The following CDH22 variants were observed in gnomAD, a reference collection of about 807,000 sequenced individuals.
CDH22 encodes the protein cadherin-22.
CDH22 carries 30 observed loss-of-function variants against 58.4 expected under a neutral mutation model. That is an observed-to-expected ratio of 0.51 (90% confidence interval 0.38 to 0.70). The LOEUF is 0.70. Ranked by LOEUF, CDH22 falls within the 30% of genes least tolerant of loss-of-function variation. The probability of loss-of-function intolerance (pLI) is 0.00; values close to 1 mark genes in which losing one functional copy is unlikely to be tolerated. For synonymous variants in CDH22, 513 were observed against 558.2 expected (o/e 0.92, Z 1.14); for missense variants, 1,014 against 1,233.9 (o/e 0.82, Z 2.67).
At chr20:46,197,528 G>A (rs1002398742) in intron 8 of CDH22, among the ~76,000 whole-genome samples, 6 of 152,016 alleles carry the variant, frequency 3.9e-5, no homozygotes, top group East Asian at 1.9e-4. Flanking sequence ...GCGGAGGGGC[G>A]TGTATCTGTG....
intron 1 of CDH22, among the ~76,000 whole-genome samples, chr20:46,286,337 G>C (rs982937090): frequency 5.3e-5 from 8 of 152,086 alleles, no homozygotes; most frequent in African/African-American, 1.9e-4. Context: ...ATCTGACCAC[G>C]CCTGGCCCTC....
chr20:46,262,766 C>A (rs1342410370), intron 1 of CDH22, among the ~76,000 whole-genome samples: 1 of 152,190 alleles, frequency 6.6e-6, no homozygotes, highest in Admixed American at 6.5e-5. Context: ...TTAGCCACTA[C>A]CCACGTGGCC....
At chr20:46,257,302 GA>G (rs35280949) in intron 1 of CDH22, among the ~76,000 whole-genome samples, 1,467 of 136,020 alleles carry the variant, frequency 0.011, 11 homozygotes, top group African/African-American at 0.018. Context: ...CTTGTCTCAA[GA>G]AAAAAAAAAA....
intron 1 of CDH22, among the ~76,000 whole-genome samples, chr20:46,252,806 T>C (rs888585759): frequency 6.6e-6 from 1 of 152,212 alleles, no homozygotes. Flanking sequence ...AGGTGGCATA[T>C]GATCGGGGCT....
At chr20:46,289,299 A>T (rs2145775103) in intron 1 of CDH22, among the ~76,000 whole-genome samples, 1 of 152,242 alleles carries the variant, frequency 6.6e-6, no homozygotes, top group East Asian at 1.9e-4. Flanking sequence ...CAGGCCATTC[A>T]TATCCCCTCA....
chr20:46,220,167 A>G (rs1251969352), intron 4 of CDH22, among the ~76,000 whole-genome samples: 1 of 151,240 alleles, frequency 6.6e-6, no homozygotes, highest in Non-Finnish European at 1.5e-5. Context: ...GGAGACTGAA[A>G]GGGACAGAAA....
At chr20:46,280,830 C>T (rs2425851) in intron 1 of CDH22, among the ~76,000 whole-genome samples, 146,675 of 152,360 alleles carry the variant, frequency 0.96, 70,633 homozygotes, top group East Asian at 1. Context: ...TGCTCTCTTT[C>T]CCTCTTCCAA....
chr20:46,278,594 A>AT (rs35092580), intron 1 of CDH22, among the ~76,000 whole-genome samples: 28 of 151,652 alleles, frequency 1.8e-4, no homozygotes, highest in African/African-American at 5.3e-4. Context: ...ATTATTATCT[A>AT]TTTTTTTTGA....
chr20:46,179,723 G>A (rs1221075332), intron 10 of CDH22, among the ~76,000 whole-genome samples: 1 of 152,242 alleles, frequency 6.6e-6, no homozygotes, highest in Non-Finnish European at 1.5e-5. Flanking sequence ...AACTCAGAAA[G>A]GGTATCATGC....
rs2086090042 is a variant in CDH22, at chr20:46,216,947, C to T, written c.717G>A (p.Glu239=). 2.5e-6 allele frequency: 4 copies of T among 1,606,094 alleles called. No individual in the cohort carries two copies. The highest frequency in any genetic ancestry group is 3.4e-6 in the Non-Finnish European group (4 of 1,173,830). ...AVPDLDRESQ[E]RYEVVIQATD... is the part of the protein sequence containing the mutation. ...TGGCCTGGATCACCACCTCGTAGCG[C>T]TCCTGGCTCTCGCGGTCAAGGTCAG... Residue 239 remains glutamate, a synonymous_variant, in exon 5 of 12, where the codon GAG becomes GAA. Transcript: ENST00000537909. The surrounding 1 kb of genome is among the most constrained non-coding windows in gnomAD (Gnocchi z 5.3).
Position 46,251,377 on chromosome 20 carries a change from G to A in CDH22, c.-83C>T, listed in dbSNP as rs2086373716. On this transcript the variant is annotated 5_prime_UTR_variant, in exon 2 of 12. Coordinates refer to ENST00000537909, the MANE Select transcript of CDH22 (RefSeq NM_021248.3). This position sits in a 1 kb window ranked among gnomAD's most constrained non-coding sequence, Gnocchi z 6.7. Reference sequence around the variant, plus strand: ...CTGCTTGGTCGCACAACGATGCGGCGCCGTGTCACATGGTGGCCTCAGCGC... The same window carrying A: ...CTGCTTGGTCGCACAACGATGCGGCACCGTGTCACATGGTGGCCTCAGCGC... 2.9e-6 allele frequency: 4 copies of A among 1,366,256 alleles called. No homozygotes were observed. The highest frequency in any genetic ancestry group is 3.8e-6 in the Non-Finnish European group (4 of 1,061,250). The allele number at this position is 1,366,256 out of a possible 1,614,324, so 84.6% of individuals were successfully genotyped here.
chr20:46,249,996 C>T (rs573329361), intron 2 of CDH22, among the ~76,000 whole-genome samples: 125 of 152,322 alleles, frequency 8.2e-4, no homozygotes, highest in African/African-American at 2.8e-3. Flanking sequence ...GCTTTTCATG[C>T]ACCAGGGTGC....
In CDH22 at chr20:46,210,583, G is replaced by A. The variant is rs747790844; in HGVS notation, c.1033-23C>T. The A allele has an allele frequency of 2.1e-6, 3 of 1,423,550 alleles. No homozygotes were observed. The highest frequency in any genetic ancestry group is 1.8e-6 in the Non-Finnish European group (2 of 1,085,266). The allele number at this position is 1,423,550 out of a possible 1,614,324, so 88.2% of individuals were successfully genotyped here. On this transcript the variant is annotated intron_variant, in intron 6 of 11. Coordinates refer to ENST00000537909, the MANE Select transcript of CDH22 (RefSeq NM_021248.3). This position sits in a 1 kb window ranked among gnomAD's most constrained non-coding sequence, Gnocchi z 4.5. ...GCGCTGCGGGAGGGAGCAGAGGGCC[G>A]GTTAGTGGGTGGGGTCTGGTGGACA...
intron 1 of CDH22, among the ~76,000 whole-genome samples, chr20:46,253,893 A>G (rs1405903774): frequency 1.3e-5 from 2 of 152,156 alleles, no homozygotes; most frequent in Non-Finnish European, 2.9e-5. Flanking sequence ...TGGCATGTCA[A>G]GGGGAGATCT....
chr20:46,225,790 C>CT lies in CDH22; in HGVS notation c.670+1717dup, dbSNP rs986197018. On this transcript the variant is annotated intron_variant, in intron 4 of 11. Transcript: ENST00000537909. Reference sequence around the variant, plus strand: ...TGGTGATAGGGAGTGGGAAGCGTTTCTTTTTTTTTTCTTTTTAGCATTTCT... The same window carrying CT: ...TGGTGATAGGGAGTGGGAAGCGTTTCTTTTTTTTTTTCTTTTTAGCATTTCT... Among the ~76,000 whole-genome samples the CT allele has an allele frequency of 1.1e-3, 155 of 146,910 alleles. 1 individual carries two copies. The highest frequency in any genetic ancestry group is 2.4e-3 in the African/African-American group (98 of 40,072).
chr20:46,233,327 G>T (rs1420408911), intron 3 of CDH22, among the ~76,000 whole-genome samples: 1 of 151,490 alleles, frequency 6.6e-6, no homozygotes, highest in East Asian at 1.9e-4. Flanking sequence ...GTGTGGATCT[G>T]CTATGTCCTC....
intron 8 of CDH22, among the ~76,000 whole-genome samples, chr20:46,198,597 C>T (rs768002132): frequency 6.6e-6 from 1 of 152,194 alleles, no homozygotes; most frequent in Non-Finnish European, 1.5e-5. Context: ...CTCAATGCAG[C>T]TGCCAGAGGT....
chr20:46,227,993 C>T (rs2086191884), intron 3 of CDH22, among the ~76,000 whole-genome samples: 1 of 152,196 alleles, frequency 6.6e-6, no homozygotes, highest in Non-Finnish European at 1.5e-5. Flanking sequence ...TCTAAACTCC[C>T]AGCACAGAGC....
intron 10 of CDH22, 79 bp downstream of exon 10, chr20:46,186,509 G>T: frequency 9.5e-7 from 1 of 1,055,726 alleles, no homozygotes. Flanking sequence ...GGGCGCCTCC[G>T]TCCCTCTGTC....
Sources: gnomAD v4.1 joint callset for allele counts (sites outside exome capture counted in the v4.1 genomes callset) on GRCh38, gnomAD v4.1.1 for gene constraint, Gnocchi (gnomAD v3.1) non-coding constraint, MANE v1.5 for transcripts, NCBI Gene and HGNC (gene_info 2026-07-23, HGNC 2026-07-21) for gene names.